Variants in WASF3 observed in about 807,000 individuals in gnomAD.
WASF3 encodes the protein WASP family member 3.
In WASF3, 11 loss-of-function variants were observed where a neutral mutation model predicts 46.6. That is an observed-to-expected ratio of 0.24 (90% CI 0.15 to 0.39). The LOEUF (loss-of-function observed/expected upper bound fraction) is 0.39, where lower values mean the gene tolerates loss of function less well. Among genes scored for constraint, WASF3 ranks in the 10% least tolerant of loss-of-function variants. The pLI is 1.00. For missense variants in WASF3, 576 were observed against 669.8 expected, an observed-to-expected ratio of 0.86 and a Z score of 1.55; for synonymous variants, 242 against 259.7, an observed-to-expected ratio of 0.93 and a Z score of 0.65.
intron 7 of WASF3, chr13:26,680,086 A>G: frequency 6.3e-7 from 1 of 1,598,160 alleles, no homozygotes; most frequent in Non-Finnish European, 8.5e-7. Context: ...AAATGTGAGA[A>G]AAGTCAGAAC....
At chr13:26,637,365 T>A (rs544706544) in intron 2 of WASF3, among the ~76,000 whole-genome samples, 2 of 152,168 alleles carry the variant, frequency 1.3e-5, no homozygotes, top group Non-Finnish European at 1.5e-5. Context: ...TTCAGAATGC[T>A]GGGTTTTCTC....
In WASF3 at chr13:26,682,958, C is replaced by A; in HGVS notation, c.1335C>A (p.Leu445=). 6.2e-7 allele frequency: 1 copy of A among 1,604,162 alleles called. No homozygotes were observed. Among genetic ancestry groups the A allele is most frequent in the East Asian group, 2.2e-5 (1 of 44,884 alleles). The stretch of plus-strand genomic sequence containing the variant: ...TCAGTGATGCTCGAAGCGACCTCCT[C>A]GCTGCTATTCGAATGGGTAAGTGGA... ...PPISDARSDL[L]AAIRMGIQLK... is the part of the protein sequence containing the mutation. The change falls in exon 9 of 10, where the codon CTC becomes CTA. Residue 445 remains leucine, a synonymous_variant. Transcript: ENST00000335327. This position sits in a 1 kb window ranked among gnomAD's most constrained non-coding sequence, Gnocchi z 4.4.
chr13:26,557,916 C>T (rs1348489473), intron 1 of WASF3, 97 bp downstream of exon 1: 3 of 270,990 alleles, frequency 1.1e-5, no homozygotes, highest in Non-Finnish European at 1.4e-5. Flanking sequence ...GGCGGCCCCA[C>T]GGCGAACTGA....
chr13:26,577,317 A>G (rs1004353123), intron 1 of WASF3: 1 of 752,432 alleles, frequency 1.3e-6, no homozygotes. Flanking sequence ...TCCTAAAAAC[A>G]ATGTAACAAT....
At chr13:26,667,860 AAAG>A (rs1566068985) in intron 5 of WASF3, among the ~76,000 whole-genome samples, 190 bp downstream of exon 5, 1 of 152,244 alleles carries the variant, frequency 6.6e-6, no homozygotes, top group African/African-American at 2.4e-5. Context: ...CATAATTATT[AAAG>A]TTACAGTATT....
intron 5 of WASF3, among the ~76,000 whole-genome samples, chr13:26,670,562 G>A (rs71431797): frequency 0.032 from 4,936 of 152,160 alleles, 121 homozygotes; most frequent in Non-Finnish European, 0.053. Context: ...GTGAGTTCCC[G>A]CCTTCATGAA....
rs754480536 is a variant in WASF3, at chr13:26,686,589, C to T, written c.*744C>T. ...GTGAAGAACAGAGTCCATTTTCCTT[C>T]CTGGGGCCATTGGGGATGACACTCA... On this transcript the variant is annotated 3_prime_UTR_variant, in exon 10 of 10. Coordinates refer to ENST00000335327, the MANE Select transcript of WASF3 (RefSeq NM_006646.6). 2.0e-5 allele frequency: 3 copies of T among 152,324 alleles called. No homozygotes were observed. Among genetic ancestry groups the T allele is most frequent in the Non-Finnish European group, 4.4e-5 (3 of 68,154 alleles). 9.4% of individuals were successfully genotyped at this position (152,324 alleles called of 1,614,324 possible).
At chr13:26,566,335 AATGTCTGG>A (rs575686849) in intron 1 of WASF3, among the ~76,000 whole-genome samples, 252 of 152,360 alleles carry the variant, frequency 1.7e-3, no homozygotes, top group African/African-American at 5.7e-3. Context: ...TCATTAAATG[AATGTCTGG>A]ATTAGCTTAT....
Position 26,682,507 on chromosome 13 carries a change from C to G in WASF3, c.984-100C>G, listed in dbSNP as rs973507636. On this transcript the variant is annotated intron_variant, in intron 8 of 9. Transcript: ENST00000335327. This position sits in a 1 kb window ranked among gnomAD's most constrained non-coding sequence, Gnocchi z 4.4. ...CATGATTGAAGTTCAGGTGACAATA[C>G]GTGTTGTGTCTGGGGATGGCTCCGT... 7.1e-7 allele frequency: 1 copy of G among 1,400,298 alleles called. No individual in the cohort carries two copies. Among genetic ancestry groups the G allele is most frequent in the African/African-American group, 1.4e-5 (1 of 69,520 alleles). The allele number at this position is 1,400,298 out of a possible 1,614,324, so 86.7% of individuals were successfully genotyped here.
chr13:26,603,929 A>G lies in WASF3; in HGVS notation c.-108-9032A>G, dbSNP rs181789871. Among the ~76,000 whole-genome samples, 388 of 152,326 alleles carry G rather than the reference A, an allele frequency of 2.5e-3. 2 individuals are homozygous for G. Among genetic ancestry groups the G allele is most frequent in the Non-Finnish European group, 4.2e-3 (286 of 68,030 alleles). ...GGCCTCTGAAGGTAAATCCCAGTGG[A>G]AAGTAGCATGTGTTGGGTTTCACAC... On this transcript the variant is annotated intron_variant, in intron 1 of 9. Coordinates refer to ENST00000335327, the MANE Select transcript of WASF3 (RefSeq NM_006646.6).
intron 1 of WASF3, among the ~76,000 whole-genome samples, chr13:26,594,825 T>G (rs202159833): frequency 6.7e-4 from 3 of 4,458 alleles, no homozygotes; most frequent in Non-Finnish European, 1.2e-3. Flanking sequence ...GAGCTCCACA[T>G]TGTCTGTCTT....
chr13:26,544,830 A>T, the WASF3 span, among the ~76,000 whole-genome samples: 1 of 152,220 alleles, frequency 6.6e-6, no homozygotes, highest in African/African-American at 2.4e-5. Flanking sequence ...GGCGGTTCCC[A>T]CCATACTGTG....
At position 26,688,746 on chromosome 13, in the gene WASF3, G is replaced by T. The variant is rs997413000; in HGVS notation, c.*2901G>T. 1.3e-5 allele frequency: 2 copies of T among 152,114 alleles called. No homozygotes were observed. The highest frequency in any genetic ancestry group is 2.4e-5 in the African/African-American group (1 of 41,422). The allele number at this position is 152,114 out of a possible 1,614,324, so 9.4% of individuals were successfully genotyped here. ...GACTAGTGGGAATGTATCAGCCAGA[G>T]TAGCAAGTAATTTTTGTTTTATAAA... On this transcript the variant is annotated 3_prime_UTR_variant, in exon 10 of 10. Transcript: ENST00000335327.
intron 1 of WASF3, among the ~76,000 whole-genome samples, chr13:26,607,492 T>C (rs1366868639): frequency 1.3e-5 from 2 of 152,180 alleles, no homozygotes; most frequent in South Asian, 2.1e-4. Context: ...AGAATTACTT[T>C]CCTTACAGGG....
intron 3 of WASF3, among the ~76,000 whole-genome samples, chr13:26,643,254 TCA>T (rs1882053329): frequency 6.6e-6 from 1 of 152,158 alleles, no homozygotes; most frequent in Non-Finnish European, 1.5e-5. Context: ...TGACAGGTTT[TCA>T]CAGTTAAATT....
At chr13:26,630,138 TG>T (rs1164973083) in intron 2 of WASF3, among the ~76,000 whole-genome samples, 40 of 152,292 alleles carry the variant, frequency 2.6e-4, no homozygotes, top group African/African-American at 7.9e-4. Flanking sequence ...CTCTCAGGCA[TG>T]ATGAGTTTTA....
intron 1 of WASF3, among the ~76,000 whole-genome samples, chr13:26,587,102 C>CAA (rs57542558): frequency 0.19 from 12,335 of 63,882 alleles, 1,101 homozygotes; most frequent in South Asian, 0.24. Context: ...GACCCTGCCT[C>CAA]AAAAAAAAAA....
At chr13:26,561,496 G>C (rs1212302752) in intron 1 of WASF3, among the ~76,000 whole-genome samples, 1 of 152,198 alleles carries the variant, frequency 6.6e-6, no homozygotes, top group Non-Finnish European at 1.5e-5. Context: ...AGGTGCTGAG[G>C]GGACAGTGTG....
At chr13:26,675,415 G>A (rs1883033960) in intron 6 of WASF3, among the ~76,000 whole-genome samples, 1 of 150,342 alleles carries the variant, frequency 6.7e-6, no homozygotes, top group African/African-American at 2.5e-5. Flanking sequence ...TGATGCCACT[G>A]TCAATACACT....
Sources: allele counts gnomAD v4.1 joint callset (sites outside exome capture counted in the v4.1 genomes callset), GRCh38; gene constraint gnomAD v4.1.1; non-coding constraint Gnocchi (gnomAD v3.1); transcripts MANE v1.5; gene names NCBI Gene and HGNC (gene_info 2026-07-23, HGNC 2026-07-21).